CADPS2: variants seen among roughly 807,000 people sequenced by gnomAD.
CADPS2 encodes the protein calcium dependent secretion activator 2.
In CADPS2, 93 loss-of-function variants were observed where a neutral mutation model predicts 172.5. That is an observed-to-expected ratio of 0.54 (90% CI 0.46 to 0.64). CADPS2 has a LOEUF of 0.64. CADPS2 is among the 30% of genes least tolerant of loss of function. The probability of loss-of-function intolerance (pLI) is 0.00; values close to 1 mark genes in which losing one functional copy is unlikely to be tolerated. For synonymous variants in CADPS2, 546 were observed against 555.2 expected (o/e 0.98, Z 0.23); for missense variants, 1,420 against 1,565.9 (o/e 0.91, Z 1.57).
intron 3 of CADPS2, 91 bp downstream of exon 3, chr7:122,663,146 G>T: frequency 2.2e-6 from 2 of 906,876 alleles, no homozygotes; most frequent in East Asian, 2.6e-5. Context: ...AGTGATTATA[G>T]CAAGTAAAGG....
intron 1 of CADPS2, among the ~76,000 whole-genome samples, chr7:122,774,006 T>C (rs577079042): frequency 7.8e-4 from 118 of 152,074 alleles, no homozygotes; most frequent in African/African-American, 2.7e-3. Context: ...TTTTTATTAA[T>C]AGGCTACAAA....
At chr7:122,558,830 A>C (rs968751067) in intron 7 of CADPS2, among the ~76,000 whole-genome samples, 3 of 151,834 alleles carry the variant, frequency 2.0e-5, no homozygotes, top group African/African-American at 4.8e-5. Flanking sequence ...ATTTGTGCAT[A>C]AACTCTGTGA....
At chr7:122,528,152 G>GGTA (rs1221069186) in intron 8 of CADPS2, among the ~76,000 whole-genome samples, 1 of 109,370 alleles carries the variant, frequency 9.1e-6, no homozygotes, top group Non-Finnish European at 2.0e-5. Flanking sequence ...TGGTGGTGGT[G>GGTA]GTGGTGGTAA....
Position 122,877,245 on chromosome 7 carries a change from T to C in CADPS2, c.339+8754A>G, listed in dbSNP as rs572011472. 4.6e-5 allele frequency among the ~76,000 whole-genome samples: 7 copies of C among 152,360 alleles called. No individual in the cohort carries two copies. The East Asian group carries it at 9.6e-4, about 21-fold the overall frequency. On this transcript the variant is annotated intron_variant, in intron 1 of 29. Coordinates refer to ENST00000449022, the MANE Select transcript of CADPS2 (RefSeq NM_017954.11). Reference sequence around the variant, plus strand: ...TTCTTGATGTATTTTATTTTCTTAATGTAATTTTTGAAAAAGGATAAACAA... The same window carrying C: ...TTCTTGATGTATTTTATTTTCTTAACGTAATTTTTGAAAAAGGATAAACAA...
intron 17 of CADPS2, among the ~76,000 whole-genome samples, chr7:122,432,153 C>A (rs1419106222): frequency 5.9e-5 from 9 of 151,928 alleles, no homozygotes; most frequent in African/African-American, 2.2e-4. Context: ...GCATGGCAGC[C>A]AGTGAAAAGA....
At chr7:122,750,416 G>A (rs907257744) in intron 1 of CADPS2, among the ~76,000 whole-genome samples, 1 of 152,032 alleles carries the variant, frequency 6.6e-6, no homozygotes, top group African/African-American at 2.4e-5. Flanking sequence ...CATTCGTATT[G>A]TGTCTTCTGA....
intron 2 of CADPS2, among the ~76,000 whole-genome samples, chr7:122,664,523 G>A (rs2080973790): frequency 6.6e-6 from 1 of 152,156 alleles, no homozygotes; most frequent in Non-Finnish European, 1.5e-5. Context: ...TCATATTTGG[G>A]AAGAGACACC....
chr7:122,593,763 A>T (rs1264172873), intron 6 of CADPS2, among the ~76,000 whole-genome samples: 2 of 151,992 alleles, frequency 1.3e-5, no homozygotes, highest in Non-Finnish European at 2.9e-5. Flanking sequence ...GTCAACTAAC[A>T]GCAAAACATG....
intron 9 of CADPS2, among the ~76,000 whole-genome samples, chr7:122,511,514 T>G (rs536291451): frequency 3.9e-5 from 6 of 152,266 alleles, no homozygotes; most frequent in African/African-American, 1.4e-4. Context: ...CAGCGACTAA[T>G]GCAAATAACA....
At chr7:122,438,227 C>T in intron 17 of CADPS2, 114 bp downstream of exon 17, 1 of 1,309,782 alleles carries the variant, frequency 7.6e-7, no homozygotes, top group East Asian at 2.4e-5. Flanking sequence ...TGAGACATTT[C>T]CCTTTGCCAT....
At chr7:122,408,026 C>A (rs1174907778) in intron 19 of CADPS2, among the ~76,000 whole-genome samples, 1 of 151,916 alleles carries the variant, frequency 6.6e-6, no homozygotes, top group African/African-American at 2.4e-5. Flanking sequence ...TTAAACAAGT[C>A]TATTCTGAAT....
chr7:122,698,118 G>A (rs768060679), intron 2 of CADPS2: 136 of 1,613,776 alleles, frequency 8.4e-5, no homozygotes, highest in Middle Eastern at 1.6e-4. Flanking sequence ...TACGAACTAT[G>A]TCATTAGGCT....
chr7:122,531,695 T>C (rs555487674), intron 8 of CADPS2, among the ~76,000 whole-genome samples: 19 of 152,236 alleles, frequency 1.2e-4, no homozygotes, highest in South Asian at 4.1e-4. Flanking sequence ...ATATGTATTA[T>C]CCCTTGTAAT....
chr7:122,782,655 T>A (rs1793044407), intron 1 of CADPS2, among the ~76,000 whole-genome samples: 1 of 152,200 alleles, frequency 6.6e-6, no homozygotes, highest in Admixed American at 6.5e-5. Context: ...TTAATTTCCT[T>A]CTTTGCTTAG....
chr7:122,369,309 T>C (rs1346510251), intron 25 of CADPS2, among the ~76,000 whole-genome samples: 2 of 152,002 alleles, frequency 1.3e-5, no homozygotes, highest in African/African-American at 4.8e-5. Flanking sequence ...TTTTTGTATT[T>C]TTTAGTAGAA....
intron 16 of CADPS2, 89 bp downstream of exon 16, chr7:122,441,423 A>G: frequency 1.3e-6 from 1 of 766,618 alleles, no homozygotes; most frequent in Non-Finnish European, 2.1e-6. Flanking sequence ...AGAGCATAGA[A>G]TAACGGGGTC....
chr7:122,879,754 GT>G (rs1416320642), intron 1 of CADPS2, among the ~76,000 whole-genome samples: 1 of 152,078 alleles, frequency 6.6e-6, no homozygotes, highest in Non-Finnish European at 1.5e-5. Flanking sequence ...TAAAATGAAA[GT>G]ACTGAAACCA....
chr7:122,582,155 T>C (rs919823903), intron 6 of CADPS2, among the ~76,000 whole-genome samples: 1 of 152,112 alleles, frequency 6.6e-6, no homozygotes, highest in East Asian at 1.9e-4. Context: ...ATACAGATCA[T>C]GTTAAAAATA....
intron 17 of CADPS2, among the ~76,000 whole-genome samples, chr7:122,421,490 A>C (rs2048524479): frequency 6.6e-6 from 1 of 152,178 alleles, no homozygotes; most frequent in Non-Finnish European, 1.5e-5. Flanking sequence ...TGAAAAAATA[A>C]TTCCTGTATA....
Sources: allele counts gnomAD v4.1 joint callset (sites outside exome capture counted in the v4.1 genomes callset), GRCh38; gene constraint gnomAD v4.1.1; transcripts MANE v1.5; gene names NCBI Gene and HGNC (gene_info 2026-07-23, HGNC 2026-07-21).